The following EXT1 variants were observed in gnomAD, a reference collection of about 807,000 sequenced individuals.
EXT1 encodes the protein exostosin glycosyltransferase 1, also known as exostosin-1.
EXT1 carries 20 observed loss-of-function variants against 82.5 expected under a neutral mutation model. The ratio of observed to expected loss-of-function variants is 0.24; its 90% CI spans 0.17 to 0.35. The LOEUF (loss-of-function observed/expected upper bound fraction) is 0.35. EXT1 is among the 10% of genes least tolerant of loss of function. EXT1 has a pLI of 1.00. For missense variants in EXT1, 757 were observed against 936.5 expected (o/e 0.81, Z 2.50); for synonymous variants, 348 against 350.8 (o/e 0.99, Z 0.09).
intron 1 of EXT1, among the ~76,000 whole-genome samples, chr8:118,048,224 A>C (rs1442163199): frequency 6.6e-6 from 1 of 152,116 alleles, no homozygotes. Flanking sequence ...TCCTAAAGTG[A>C]CCTCTCCATT....
At chr8:117,962,167 TC>T in intron 1 of EXT1, among the ~76,000 whole-genome samples, 1 of 152,258 alleles carries the variant, frequency 6.6e-6, no homozygotes, top group South Asian at 2.1e-4. Context: ...AACTACCACT[TC>T]CTGGTAGAAG....
intron 1 of EXT1, among the ~76,000 whole-genome samples, chr8:117,995,889 C>A (rs940147498): frequency 9.2e-5 from 14 of 152,114 alleles, no homozygotes; most frequent in Admixed American, 7.9e-4. Context: ...TGCCAAGTAA[C>A]CAAGTAGGGA....
rs181260131 is a variant in EXT1, at chr8:118,105,281, C to G, written c.962+4804G>C. Among the ~76,000 whole-genome samples, 641 of 152,270 alleles carry G rather than the reference C, an allele frequency of 4.2e-3. 4 individuals are homozygous for G. The highest frequency in any genetic ancestry group is 0.01 in the Admixed American group (153 of 15,294). ...AACACCACCTGCAGGTGTAGCATCT[C>G]CCCTTTTGCCATCCAAAGTTGCTGT... On this transcript the variant is annotated intron_variant, in intron 1 of 10. Coordinates refer to ENST00000378204, the MANE Select transcript of EXT1 (RefSeq NM_000127.3).
intron 1 of EXT1, among the ~76,000 whole-genome samples, chr8:117,890,596 G>T (rs529322083): frequency 6.6e-6 from 1 of 152,326 alleles, no homozygotes; most frequent in East Asian, 1.9e-4. Flanking sequence ...AAGATGAAGA[G>T]AGTCTATAGT....
chr8:118,035,200 C>T (rs775721357), intron 1 of EXT1, among the ~76,000 whole-genome samples: 76 of 152,078 alleles, frequency 5.0e-4, no homozygotes, highest in Non-Finnish European at 8.4e-4. Flanking sequence ...GTAACTTAAC[C>T]CTCAGGCTGT....
intron 1 of EXT1, among the ~76,000 whole-genome samples, chr8:118,009,267 C>G (rs1815846384): frequency 6.6e-6 from 1 of 152,162 alleles, no homozygotes; most frequent in African/African-American, 2.4e-5. Flanking sequence ...AGCAATGTGT[C>G]TAGGAAAGGC....
Position 117,799,908 on chromosome 8 carries a change from G to A in EXT1, c.2056-11C>T. Reference sequence around the variant, plus strand: ...GGAAGCCCGAGAAGTCTAGGGAGAAGGAGAGAAACAAGGATAATGATGAGA... The same window carrying A: ...GGAAGCCCGAGAAGTCTAGGGAGAAAGAGAGAAACAAGGATAATGATGAGA... On this transcript the variant is annotated splice_polypyrimidine_tract_variant and intron_variant, in intron 10 of 10. Transcript: ENST00000378204. 6.2e-7 allele frequency: 1 copy of A among 1,613,606 alleles called. No homozygotes were observed. The highest frequency in any genetic ancestry group is 8.5e-7 in the Non-Finnish European group (1 of 1,179,936).
At chr8:117,989,359 GC>G (rs898621590) in intron 1 of EXT1, among the ~76,000 whole-genome samples, 3 of 151,678 alleles carry the variant, frequency 2.0e-5, no homozygotes, top group East Asian at 1.9e-4. Context: ...CACTGCCCCT[GC>G]CCCCCACTAT....
intron 4 of EXT1, among the ~76,000 whole-genome samples, chr8:117,823,808 T>A (rs1286441167): frequency 1.3e-5 from 2 of 152,200 alleles, no homozygotes; most frequent in East Asian, 1.9e-4. Flanking sequence ...CTGCATCTTA[T>A]CTTTCACCCA....
chr8:117,921,772 C>T (rs986168456), intron 1 of EXT1, among the ~76,000 whole-genome samples: 1 of 152,096 alleles, frequency 6.6e-6, no homozygotes, highest in African/African-American at 2.4e-5. Context: ...TGATCACATT[C>T]CTATAGGGTA....
At chr8:117,830,109 G>C in intron 4 of EXT1, 121 bp downstream of exon 4, 1 of 1,267,242 alleles carries the variant, frequency 7.9e-7, no homozygotes, top group Non-Finnish European at 1.1e-6. Context: ...ATATATCCAA[G>C]TACAGGAATC....
chr8:118,016,426 G>A (rs6987491), intron 1 of EXT1, among the ~76,000 whole-genome samples: 2 of 152,084 alleles, frequency 1.3e-5, no homozygotes, highest in African/African-American at 2.4e-5. Flanking sequence ...AAGCCACTCC[G>A]TTTGTGGTAC....
intron 1 of EXT1, among the ~76,000 whole-genome samples, chr8:117,898,787 A>T (rs1442242042): frequency 2.0e-5 from 3 of 152,026 alleles, no homozygotes. Context: ...TTTATGGTAG[A>T]TGGTTTCCAC....
chr8:118,035,546 C>T (rs1816403842), intron 1 of EXT1, among the ~76,000 whole-genome samples: 1 of 151,856 alleles, frequency 6.6e-6, no homozygotes, highest in Non-Finnish European at 1.5e-5. Context: ...ACAGACTTTT[C>T]CCCGGAAGTC....
chr8:118,032,324 G>C (rs1816340133), intron 1 of EXT1, among the ~76,000 whole-genome samples: 1 of 151,666 alleles, frequency 6.6e-6, no homozygotes, highest in Non-Finnish European at 1.5e-5. Context: ...AAATTTTAGA[G>C]TGAGGTCCAG....
In EXT1 at chr8:117,972,966, A is replaced by C. The variant is rs184220866; in HGVS notation, c.963-135765T>G. 4.6e-5 allele frequency among the ~76,000 whole-genome samples: 7 copies of C among 152,336 alleles called. No individual in the cohort carries two copies. In the East Asian group the frequency reaches 1.4e-3, roughly 29 times the overall value. On this transcript the variant is annotated intron_variant, in intron 1 of 10. Transcript: ENST00000378204. ...ATTCAGATGAGATTTCGGTGGGGAC[A>C]CTGCCAAACCGTATCAATATGTTTC...
At chr8:117,819,052 A>G (rs2129738613) in intron 6 of EXT1, among the ~76,000 whole-genome samples, 1 of 152,354 alleles carries the variant, frequency 6.6e-6, no homozygotes, top group Admixed American at 6.5e-5. Flanking sequence ...ATGTGACTTT[A>G]TAATTTCCAA....
chr8:117,963,212 C>T (rs890762778), intron 1 of EXT1, among the ~76,000 whole-genome samples: 8 of 152,084 alleles, frequency 5.3e-5, no homozygotes, highest in African/African-American at 1.7e-4. Flanking sequence ...AAGTTAAATG[C>T]CATATAAAGT....
intron 1 of EXT1, among the ~76,000 whole-genome samples, chr8:117,916,649 A>G (rs1813759532): frequency 1.3e-5 from 2 of 152,224 alleles, no homozygotes; most frequent in Non-Finnish European, 2.9e-5. Flanking sequence ...GCAGTGACTC[A>G]CACCTGTAAT....
Sources: gnomAD v4.1 joint callset for allele counts (sites outside exome capture counted in the v4.1 genomes callset) on GRCh38, gnomAD v4.1.1 for gene constraint, MANE v1.5 for transcripts, NCBI Gene and HGNC (gene_info 2026-07-23, HGNC 2026-07-21) for gene names.